IL1RAPL1: variants seen among roughly 807,000 people sequenced by gnomAD.
IL1RAPL1 encodes the protein interleukin-1 receptor accessory protein-like 1.
Under a neutral mutation model 48.4 loss-of-function variants are expected in IL1RAPL1, and 3 were observed. The ratio of observed to expected loss-of-function variants is 0.06; its 90% confidence interval spans 0.03 to 0.16. The LOEUF is 0.16. IL1RAPL1 is among the 10% of genes least tolerant of loss of function. The pLI, the probability that IL1RAPL1 is intolerant of heterozygous loss-of-function variation, is 1.00. For missense variants in IL1RAPL1, 349 were observed against 530.6 expected, an observed-to-expected ratio of 0.66 and a Z score of 3.36; for synonymous variants, 185 against 187.7, an observed-to-expected ratio of 0.99 and a Z score of 0.12.
At chrX:29,393,537 C>G (rs1010618183) in intron 3 of IL1RAPL1, among the ~76,000 whole-genome samples, 3 of 111,711 alleles carry the variant, frequency 2.7e-5, no homozygotes, top group Non-Finnish European at 5.6e-5. Flanking sequence ...CTCTCTCTCT[C>G]TCTCTCTGTA....
intron 2 of IL1RAPL1, among the ~76,000 whole-genome samples, chrX:28,825,813 A>T (rs1028969074): frequency 9.0e-6 from 1 of 111,529 alleles, no homozygotes; most frequent in African/African-American, 3.2e-5. Flanking sequence ...AGTAGCAGTG[A>T]CTCAATAAGG....
intron 2 of IL1RAPL1, among the ~76,000 whole-genome samples, chrX:28,988,545 T>C (rs1925530752): frequency 9.0e-6 from 1 of 111,690 alleles, no homozygotes; most frequent in African/African-American, 3.3e-5. Flanking sequence ...CAGGGTTGAT[T>C]TCTCACCTAC....
rs1414641092 is a variant in IL1RAPL1 at position 29,766,340 on chromosome X, A to AT, written c.778+97836_778+97837insT. Among the ~76,000 whole-genome samples, 56 of 76,302 alleles carry AT rather than the reference A, an allele frequency of 7.3e-4. 3 individuals carry two copies. The highest frequency in any genetic ancestry group is 3.3e-3 in the African/African-American group (53 of 15,941). 66.3% of individuals were successfully genotyped at this position (76,302 alleles called of 115,157 possible). The stretch of plus-strand genomic sequence containing the variant: ...GAGACTCCGTCTCAAAAAAAAAAAA[A>AT]AAATATATATATATATATATATAGA... On this transcript the variant is annotated intron_variant, in intron 6 of 10. Transcript: ENST00000378993.
At chrX:28,737,088 G>A (rs867484423) in intron 1 of IL1RAPL1, among the ~76,000 whole-genome samples, 1 of 77,570 alleles carries the variant, frequency 1.3e-5, no homozygotes, top group African/African-American at 4.7e-5. Context: ...TTTTCTTTTC[G>A]TTTTGTTTCT....
chrX:29,901,916 T>G (rs145878735), intron 6 of IL1RAPL1, among the ~76,000 whole-genome samples: 1 of 112,192 alleles, frequency 8.9e-6, no homozygotes, highest in Admixed American at 9.5e-5. Flanking sequence ...CCTAAAGATA[T>G]CTGCATTACA....
intron 2 of IL1RAPL1, among the ~76,000 whole-genome samples, chrX:28,808,487 CTG>C (rs1311462932): frequency 9.0e-6 from 1 of 110,546 alleles, no homozygotes; most frequent in East Asian, 2.8e-4. Context: ...TAATGAGAAA[CTG>C]TTTTCCTGTG....
At chrX:29,870,069 G>A (rs766158659) in intron 6 of IL1RAPL1, among the ~76,000 whole-genome samples, 204 of 112,022 alleles carry the variant, frequency 1.8e-3, no homozygotes, top group African/African-American at 6.0e-3. Context: ...ACTGGCGGAA[G>A]CTATTAGGCA....
At position 29,058,815 on chromosome X, in the gene IL1RAPL1, G is replaced by A. The variant is rs146420041; in HGVS notation, c.83-224123G>A. ...AGCTGTTCTACTTTCTAAGTGGAAC[G>A]TGACTCTCTTCAGCTCATAGTTTGT... On this transcript the variant is annotated intron_variant, in intron 2 of 10. Coordinates refer to ENST00000378993, the MANE Select transcript of IL1RAPL1 (RefSeq NM_014271.4). Among the ~76,000 whole-genome samples the A allele has an allele frequency of 3.0e-3, 333 of 111,936 alleles. 1 individual carries two copies. The highest frequency in any genetic ancestry group is 9.3e-3 in the Middle Eastern group (2 of 215).
intron 2 of IL1RAPL1, among the ~76,000 whole-genome samples, chrX:29,234,829 A>G (rs1257309672): frequency 8.9e-6 from 1 of 112,572 alleles, no homozygotes; most frequent in Non-Finnish European, 1.9e-5. Context: ...TCAAGACTGT[A>G]TTGAATATTA....
At chrX:29,364,244 G>A (rs955133768) in intron 3 of IL1RAPL1, among the ~76,000 whole-genome samples, 1 of 111,232 alleles carries the variant, frequency 9.0e-6, no homozygotes, top group Non-Finnish European at 1.9e-5. Flanking sequence ...TTGCATCCAT[G>A]GATTCAGTCA....
intron 2 of IL1RAPL1, among the ~76,000 whole-genome samples, chrX:28,795,875 A>C (rs941536319): frequency 6.3e-5 from 7 of 110,944 alleles, no homozygotes; most frequent in African/African-American, 2.3e-4. Flanking sequence ...TGTTAGAGAA[A>C]TGATGTTCGT....
chrX:29,930,331 G>T (rs752915207), intron 8 of IL1RAPL1, among the ~76,000 whole-genome samples: 9 of 111,963 alleles, frequency 8.0e-5, no homozygotes, highest in Non-Finnish European at 1.3e-4. Context: ...TTAGGCTAAA[G>T]TGGTTACCAA....
At chrX:29,013,697 A>G (rs981803185) in intron 2 of IL1RAPL1, among the ~76,000 whole-genome samples, 1 of 110,893 alleles carries the variant, frequency 9.0e-6, no homozygotes, top group South Asian at 3.9e-4. Flanking sequence ...AACGACACAC[A>G]CTAGGGCCTG....
At chrX:29,834,416 G>A (rs1263421996) in intron 6 of IL1RAPL1, among the ~76,000 whole-genome samples, 1 of 110,016 alleles carries the variant, frequency 9.1e-6, no homozygotes, top group Non-Finnish European at 1.9e-5. Context: ...TTTTTAAAAT[G>A]GAAATCCAGT....
At chrX:29,630,498 G>T (rs777477901) in intron 5 of IL1RAPL1, among the ~76,000 whole-genome samples, 1 of 109,575 alleles carries the variant, frequency 9.1e-6, no homozygotes, top group Non-Finnish European at 1.9e-5. Flanking sequence ...TCTCTTATTA[G>T]AAATGAAACA....
At chrX:29,397,215 A>G (rs1221835956) in intron 4 of IL1RAPL1, among the ~76,000 whole-genome samples, 1 of 112,255 alleles carries the variant, frequency 8.9e-6, no homozygotes, top group Non-Finnish European at 1.9e-5. Context: ...TCCTTATGTA[A>G]CATTTGCTTT....
At chrX:29,338,848 G>T (rs1308088769) in intron 3 of IL1RAPL1, among the ~76,000 whole-genome samples, 1 of 109,995 alleles carries the variant, frequency 9.1e-6, no homozygotes, top group Non-Finnish European at 1.9e-5. Flanking sequence ...ATGATTCTTG[G>T]TGCCCCCCAT....
intron 1 of IL1RAPL1, among the ~76,000 whole-genome samples, chrX:28,765,083 C>G (rs745582401): frequency 3.1e-5 from 3 of 95,432 alleles, no homozygotes; most frequent in Non-Finnish European, 6.0e-5. Flanking sequence ...TGTTCTCACT[C>G]ATAGGTGGGA....
intron 3 of IL1RAPL1, among the ~76,000 whole-genome samples, chrX:29,336,682 T>C (rs192945181): frequency 9.0e-6 from 1 of 111,198 alleles, no homozygotes; most frequent in East Asian, 2.8e-4. Context: ...CGATGAAGCA[T>C]AGACAGGTGT....
Sources: gnomAD v4.1 joint callset for allele counts (sites outside exome capture counted in the v4.1 genomes callset) on GRCh38, gnomAD v4.1.1 for gene constraint, MANE v1.5 for transcripts, NCBI Gene and HGNC (gene_info 2026-07-23, HGNC 2026-07-21) for gene names.